Variants in AUTS2 observed in about 807,000 individuals in gnomAD.
AUTS2 encodes activator of transcription and developmental regulator AUTS2.
AUTS2 carries 17 observed loss-of-function variants against 112.4 expected under a neutral mutation model. The observed-to-expected ratio is 0.15, with a 90% confidence interval of 0.10 to 0.23. AUTS2 has a LOEUF of 0.23. Ranked by LOEUF, AUTS2 falls within the 10% of genes least tolerant of loss-of-function variation. AUTS2 has a pLI of 1.00. For missense variants in AUTS2, 1,510 were observed against 1,701.6 expected, an observed-to-expected ratio of 0.89 and a Z score of 1.98; for synonymous variants, 751 against 702.7, an observed-to-expected ratio of 1.07 and a Z score of -1.09.
intron 2 of AUTS2, among the ~76,000 whole-genome samples, chr7:69,906,435 G>T (rs1189117526): frequency 6.6e-6 from 1 of 152,160 alleles, no homozygotes; most frequent in African/African-American, 2.4e-5. Flanking sequence ...GTGGTGGTGG[G>T]GAACTGAGCA....
intron 5 of AUTS2, among the ~76,000 whole-genome samples, chr7:70,466,041 G>C (rs1416746391): frequency 6.6e-6 from 1 of 152,180 alleles, no homozygotes; most frequent in Admixed American, 6.5e-5. Flanking sequence ...ACGGTGGAGA[G>C]AACAGATATA....
At chr7:69,953,855 T>C (rs1452690038) in intron 2 of AUTS2, among the ~76,000 whole-genome samples, 1 of 152,156 alleles carries the variant, frequency 6.6e-6, no homozygotes, top group Non-Finnish European at 1.5e-5. Context: ...CAAGAGTTGT[T>C]TGGGCCCTTA....
chr7:70,129,433 C>T (rs182519176), intron 3 of AUTS2, among the ~76,000 whole-genome samples: 1 of 152,258 alleles, frequency 6.6e-6, no homozygotes, highest in East Asian at 1.9e-4. Context: ...CATCTAAAAA[C>T]ATCATCACAG....
At chr7:69,972,614 A>T (rs1450742689) in intron 2 of AUTS2, among the ~76,000 whole-genome samples, 3 of 151,556 alleles carry the variant, frequency 2.0e-5, no homozygotes, top group Non-Finnish European at 4.4e-5. Flanking sequence ...TTTGAGATAA[A>T]TTTTTTATAA....
intron 4 of AUTS2, among the ~76,000 whole-genome samples, chr7:70,327,636 C>T (rs1223899160): frequency 6.6e-6 from 1 of 152,188 alleles, no homozygotes; most frequent in Admixed American, 6.5e-5. Context: ...ACAGCTAGTA[C>T]AGCAGCATCC....
intron 14 of AUTS2, among the ~76,000 whole-genome samples, chr7:70,779,355 G>T (rs1173768952): frequency 6.6e-6 from 1 of 152,196 alleles, no homozygotes. Flanking sequence ...TACGCCTGCA[G>T]GTTCCTTACT....
intron 5 of AUTS2, among the ~76,000 whole-genome samples, chr7:70,493,322 G>T (rs959372621): frequency 2.0e-5 from 3 of 152,212 alleles, no homozygotes; most frequent in Non-Finnish European, 2.9e-5. Context: ...GCATGCAGTA[G>T]CATGTGAGTA....
intron 2 of AUTS2, among the ~76,000 whole-genome samples, chr7:69,999,831 T>C (rs771905046): frequency 1.3e-5 from 2 of 152,320 alleles, no homozygotes; most frequent in African/African-American, 4.8e-5. Flanking sequence ...TAAATCTTGC[T>C]TGTGGAAGTG....
intron 2 of AUTS2, among the ~76,000 whole-genome samples, chr7:70,070,949 C>T (rs1802739395): frequency 6.6e-6 from 1 of 150,600 alleles, no homozygotes; most frequent in African/African-American, 2.4e-5. Context: ...TCACCAGGTA[C>T]ATTAGAAAGC....
intron 5 of AUTS2, among the ~76,000 whole-genome samples, chr7:70,563,957 A>T (rs1801597741): frequency 6.6e-6 from 1 of 152,226 alleles, no homozygotes; most frequent in South Asian, 2.1e-4. Context: ...TTCTGAAATA[A>T]GCCCCTTTTC....
chr7:69,671,095 G>A (rs554003291), intron 1 of AUTS2, among the ~76,000 whole-genome samples: 1 of 152,348 alleles, frequency 6.6e-6, no homozygotes, highest in African/African-American at 2.4e-5. Flanking sequence ...GAAATGTTTA[G>A]TGGACAGGTG....
At chr7:70,089,775 G>A (rs964774057) in intron 2 of AUTS2, among the ~76,000 whole-genome samples, 3 of 152,072 alleles carry the variant, frequency 2.0e-5, no homozygotes, top group Non-Finnish European at 2.9e-5. Context: ...TTGGGAGGCC[G>A]AGGCAGGTGG....
chr7:70,726,746 A>G (rs1787056813), intron 6 of AUTS2, among the ~76,000 whole-genome samples: 1 of 152,186 alleles, frequency 6.6e-6, no homozygotes. Flanking sequence ...TCATATTGTC[A>G]AGTCAGAGAG....
chr7:69,815,735 G>A lies in AUTS2; in HGVS notation c.310-83551G>A, dbSNP rs58609772. 3.6e-3 allele frequency among the ~76,000 whole-genome samples: 547 copies of A among 152,190 alleles called. 3 individuals carry two copies. The highest frequency in any genetic ancestry group is 0.013 in the African/African-American group (530 of 41,524). Reference sequence around the variant, plus strand: ...TCACCATGTTGGCCAGGCTGGTCTCGAACCCTTGACCTCGTGATCCACCTG... The same window carrying A: ...TCACCATGTTGGCCAGGCTGGTCTCAAACCCTTGACCTCGTGATCCACCTG... On this transcript the variant is annotated intron_variant, in intron 1 of 18. Transcript: ENST00000342771.
chr7:70,512,098 C>T (rs1187696321), intron 5 of AUTS2, among the ~76,000 whole-genome samples: 2 of 152,136 alleles, frequency 1.3e-5, no homozygotes, highest in Non-Finnish European at 2.9e-5. Context: ...TGTCTGTGAC[C>T]TTTTCCTGTT....
intron 4 of AUTS2, among the ~76,000 whole-genome samples, chr7:70,295,435 G>T (rs373750813): frequency 6.6e-6 from 1 of 152,128 alleles, no homozygotes; most frequent in Non-Finnish European, 1.5e-5. Flanking sequence ...TTAAACCTCC[G>T]TTCTCTCTCT....
At chr7:70,378,699 A>G (rs77792835) in intron 4 of AUTS2, among the ~76,000 whole-genome samples, 5 of 152,372 alleles carry the variant, frequency 3.3e-5, no homozygotes, top group East Asian at 1.9e-4. Flanking sequence ...ATTCCTCATT[A>G]TATTCCCAGC....
chr7:70,346,372 GCTTT>G (rs1436936939), intron 4 of AUTS2, among the ~76,000 whole-genome samples: 3 of 152,164 alleles, frequency 2.0e-5, no homozygotes, highest in African/African-American at 7.2e-5. Context: ...CATGAGAGAA[GCTTT>G]CAGTGCTGCG....
intron 2 of AUTS2, among the ~76,000 whole-genome samples, chr7:69,911,649 C>G (rs1211811254): frequency 6.6e-6 from 1 of 152,150 alleles, no homozygotes; most frequent in African/African-American, 2.4e-5. Flanking sequence ...GTGTCCAGCT[C>G]TCAGTGGAGA....
Sources: gnomAD v4.1 joint callset for allele counts (sites outside exome capture counted in the v4.1 genomes callset) on GRCh38, gnomAD v4.1.1 for gene constraint, MANE v1.5 for transcripts, NCBI Gene and HGNC (gene_info 2026-07-23, HGNC 2026-07-21) for gene names.